The following PAX7 variants were observed in gnomAD, a reference collection of about 807,000 sequenced individuals.
PAX7 encodes the protein paired box 7, also known as paired box protein Pax-7.
A neutral mutation model predicts 50.7 loss-of-function variants in PAX7; 18 were observed. The ratio of observed to expected loss-of-function variants is 0.36; its 90% CI spans 0.25 to 0.53. PAX7 has a LOEUF of 0.53. PAX7 is among the 20% of genes least tolerant of loss of function. PAX7 has a pLI of 0.93. For missense variants in PAX7, 644 were observed against 702.9 expected (o/e 0.92, Z 0.95); for synonymous variants, 310 against 290.4 (o/e 1.07, Z -0.69).
Position 18,744,689 on chromosome 1 carries a change from A to AATGGATGGATGG in PAX7, c.1403-84_1403-73dup, listed in dbSNP as rs71027398. ...GGATGGATGGATGGATGGATGGATA[A>AATGGATGGATGG]ATGGATGGATGGATGGATGGATGGA... On this transcript the variant is annotated intron_variant, in intron 8 of 8. Transcript: ENST00000420770. The AATGGATGGATGG allele has an allele frequency of 5.6e-4, 231 of 413,576 alleles. 2 individuals carry two copies. Among genetic ancestry groups the AATGGATGGATGG allele is most frequent in the Middle Eastern group, 2.5e-3 (4 of 1,632 alleles). The allele number at this position is 413,576 out of a possible 1,614,324, so 25.6% of individuals were successfully genotyped here.
rs1215699293 is a variant in PAX7, at chr1:18,744,842, G to A, written c.1431G>A (p.Val477=). 3.2e-6 allele frequency: 5 copies of A among 1,556,002 alleles called. No homozygotes were observed. The highest frequency in any genetic ancestry group is 2.7e-5 in the African/African-American group (2 of 73,202). The change falls in exon 9 of 9, where the codon GTG becomes GTA. Residue 477 remains valine (V), a synonymous_variant. Transcript: ENST00000420770. ...CTGTTGATTATCTGGCCAAAAATGT[G>A]AGCCTCTCCACCCAGCGTCGCATGA... ...QTAVDYLAKN[V]SLSTQRRMKL...
intron 4 of PAX7, among the ~76,000 whole-genome samples, chr1:18,690,726 G>C (rs2089056400): frequency 6.6e-6 from 1 of 152,234 alleles, no homozygotes; most frequent in African/African-American, 2.4e-5. Context: ...AATTAGTGGG[G>C]ATAATGGGGT....
At position 18,638,257 on chromosome 1, in the gene PAX7, A is replaced by G. The variant is rs12037496; in HGVS notation, c.586+1886A>G. 1.6e-4 allele frequency among the ~76,000 whole-genome samples: 25 copies of G among 152,292 alleles called. 1 individual carries two copies. In the East Asian group the frequency reaches 4.6e-3, roughly 28 times the overall value. On this transcript the variant is annotated intron_variant, in intron 4 of 8. Transcript: ENST00000420770. ...CTCTGAGAAAAAAGGGAAGGGAAGGAAAGGAAGAGGATGGAAAGATCGTGC... is the reference window on the plus strand; with the variant it reads ...CTCTGAGAAAAAAGGGAAGGGAAGGGAAGGAAGAGGATGGAAAGATCGTGC...
chr1:18,716,502 T>C (rs1194842492), intron 7 of PAX7, among the ~76,000 whole-genome samples: 1 of 46,640 alleles, frequency 2.1e-5, no homozygotes, highest in Non-Finnish European at 4.7e-5. Flanking sequence ...TTGTTGTTTT[T>C]TGTTTTTTGT....
At chr1:18,637,404 A>G (rs1451841484) in intron 4 of PAX7, among the ~76,000 whole-genome samples, 1 of 152,168 alleles carries the variant, frequency 6.6e-6, no homozygotes, top group African/African-American at 2.4e-5. Flanking sequence ...AAAGGCCCCA[A>G]ACACATACGC....
chr1:18,731,145 C>G (rs2089641496), intron 7 of PAX7, among the ~76,000 whole-genome samples: 1 of 152,240 alleles, frequency 6.6e-6, no homozygotes, highest in Non-Finnish European at 1.5e-5. Flanking sequence ...CCTTAGCATT[C>G]TTGAGAGGGG....
chr1:18,714,563 T>C (rs2089394700), intron 7 of PAX7, among the ~76,000 whole-genome samples: 1 of 152,244 alleles, frequency 6.6e-6, no homozygotes, highest in African/African-American at 2.4e-5. Flanking sequence ...AAGTTTCCTC[T>C]AGACTCTGCC....
chr1:18,716,834 C>T (rs536616744), intron 7 of PAX7, among the ~76,000 whole-genome samples: 81 of 146,782 alleles, frequency 5.5e-4, no homozygotes, highest in Non-Finnish European at 9.3e-4. Flanking sequence ...CATCTTCAGC[C>T]CCTGCGCGCC....
In PAX7 at chr1:18,747,815, A is replaced by G. The variant is rs1162525273; in HGVS notation, c.*2886A>G. 2 of 189,700 alleles carry G rather than the reference A, an allele frequency of 1.1e-5. No homozygotes were observed. Among genetic ancestry groups the G allele is most frequent in the African/African-American group, 4.7e-5 (2 of 42,830 alleles). The allele number at this position is 189,700 out of a possible 1,614,324, so 11.8% of individuals were successfully genotyped here. A position where few individuals can be genotyped will look rare whatever the true frequency, so the allele number is the denominator to read the frequency against. On this transcript the variant is annotated 3_prime_UTR_variant, in exon 9 of 9. Coordinates refer to ENST00000420770, the MANE Select transcript of PAX7 (RefSeq NM_001135254.2). ...GCTGACTTTTTATAAATATATATAT[A>G]TACTAAAAAAGGAAAGAAATCCCCC... is the stretch of plus-strand genomic sequence containing the variant.
At chr1:18,744,660 G>A (rs970759323) in intron 8 of PAX7, among the ~76,000 whole-genome samples, 154 bp from the exon 9 acceptor site, 2 of 9,048 alleles carry the variant, frequency 2.2e-4, no homozygotes, top group East Asian at 2.6e-3. Context: ...TAGACAGGAC[G>A]GATGGATGGA....
rs770380143 is a variant in PAX7 at position 18,735,115 on chromosome 1, G to A, written c.1156-517G>A. Among the ~76,000 whole-genome samples the A allele has an allele frequency of 9.2e-5, 14 of 152,150 alleles. No individual in the cohort carries two copies. Among genetic ancestry groups the A allele is most frequent in the South Asian group, 2.1e-4 (1 of 4,822 alleles). ...CGAAGGGGCAGGAACCTCAGAGTCC[G>A]GAGGAGTGGCAGGCAGAGCAAGCCA... On this transcript the variant is annotated intron_variant, in intron 7 of 8. Coordinates refer to ENST00000420770, the MANE Select transcript of PAX7 (RefSeq NM_001135254.2). This position sits in a 1 kb window ranked among gnomAD's most constrained non-coding sequence, Gnocchi z 4.0.
rs1209553142 is a variant in PAX7, at chr1:18,746,651, A to G, written c.*1722A>G. On this transcript the variant is annotated 3_prime_UTR_variant, in exon 9 of 9. Coordinates refer to ENST00000420770, the MANE Select transcript of PAX7 (RefSeq NM_001135254.2). The stretch of plus-strand genomic sequence containing the variant: ...ATGAGGCCACCTCTTTGCTCAATCC[A>G]TGCCTCTTGCCCTCAGTCAACAAGA... 4.3e-6 allele frequency: 1 copy of G among 230,600 alleles called. No individual in the cohort carries two copies. The highest frequency in any genetic ancestry group is 8.6e-6 in the Non-Finnish European group (1 of 116,492). 14.3% of individuals were successfully genotyped at this position (230,600 alleles called of 1,614,324 possible).
rs749594337 is a variant in PAX7, at chr1:18,631,707, G to A, written c.85+19G>A. 2 of 1,598,822 alleles carry A rather than the reference G, an allele frequency of 1.3e-6. No individual in the cohort carries two copies. Among genetic ancestry groups the A allele is most frequent in the South Asian group, 1.1e-5 (1 of 89,076 alleles). ...TTGGAAGGTAAGAACGCCCAGGCTG[G>A]CCTCGCCGCGACTCCGCCGCCCGGA... is the stretch of plus-strand genomic sequence containing the variant. On this transcript the variant is annotated intron_variant, in intron 1 of 8. Coordinates refer to ENST00000420770, the MANE Select transcript of PAX7 (RefSeq NM_001135254.2).
intron 7 of PAX7, among the ~76,000 whole-genome samples, chr1:18,706,039 A>T (rs2089279159): frequency 6.6e-6 from 1 of 152,092 alleles, no homozygotes; most frequent in African/African-American, 2.4e-5. Context: ...ACCTGCGAGC[A>T]CTTCCTGAAG....
At chr1:18,657,315 C>T (rs565181874) in intron 4 of PAX7, among the ~76,000 whole-genome samples, 3 of 151,972 alleles carry the variant, frequency 2.0e-5, no homozygotes, top group East Asian at 1.9e-4. Context: ...GGTGGAGGTC[C>T]CTCTGATCTG....
intron 4 of PAX7, among the ~76,000 whole-genome samples, chr1:18,658,149 G>A (rs927298246): frequency 5.3e-5 from 8 of 152,094 alleles, no homozygotes; most frequent in Admixed American, 1.3e-4. Context: ...AGGAATAATC[G>A]GCTGGAATTC....
chr1:18,685,401 A>G (rs552461093), intron 4 of PAX7, among the ~76,000 whole-genome samples: 23 of 152,340 alleles, frequency 1.5e-4, no homozygotes, highest in African/African-American at 5.0e-4. Context: ...TGTCCTAGGC[A>G]TAGTCCCTGC....
chr1:18,669,115 G>T (rs1237651673), intron 4 of PAX7, among the ~76,000 whole-genome samples: 4 of 152,202 alleles, frequency 2.6e-5, no homozygotes, highest in African/African-American at 9.6e-5. Context: ...CAAGGGACAG[G>T]GGTCTCTCCT....
At chr1:18,670,414 G>T (rs2088727301) in intron 4 of PAX7, among the ~76,000 whole-genome samples, 1 of 152,268 alleles carries the variant, frequency 6.6e-6, no homozygotes, top group South Asian at 2.1e-4. Context: ...CCTGCCCAGG[G>T]TGCCAAAGAC....
Sources: gnomAD v4.1 joint callset for allele counts (sites outside exome capture counted in the v4.1 genomes callset) on GRCh38, gnomAD v4.1.1 for gene constraint, Gnocchi (gnomAD v3.1) non-coding constraint, MANE v1.5 for transcripts, NCBI Gene and HGNC (gene_info 2026-07-23, HGNC 2026-07-21) for gene names.